The following SPINT2 variants were observed in gnomAD, a reference collection of about 807,000 sequenced individuals.
SPINT2 encodes the protein serine peptidase inhibitor, Kunitz type 2.
SPINT2 carries 18 observed loss-of-function variants against 30.1 expected under a neutral mutation model. The ratio of observed to expected loss-of-function variants is 0.60; its 90% CI spans 0.41 to 0.89. The LOEUF (loss-of-function observed/expected upper bound fraction) is 0.89. SPINT2 is among the 40% of genes least tolerant of loss of function. The pLI, the probability that SPINT2 is intolerant of heterozygous loss-of-function variation, is 0.00. For missense variants in SPINT2, 276 were observed against 334.3 expected, an observed-to-expected ratio of 0.83 and a Z score of 1.36; for synonymous variants, 139 against 137.9, an observed-to-expected ratio of 1.01 and a Z score of -0.05.
Position 38,290,803 on chromosome 19 carries a change from G to A in SPINT2, c.592+228G>A, listed in dbSNP as rs1438331920. Reference sequence around the variant, plus strand: ...ACAAGGCAGGCCCTGCCCAGGCGGCGTGGGTGACTGGGGATGAGGTCTTCC... The same window carrying A: ...ACAAGGCAGGCCCTGCCCAGGCGGCATGGGTGACTGGGGATGAGGTCTTCC... On this transcript the variant is annotated intron_variant, in intron 6 of 6. Coordinates refer to ENST00000301244, the MANE Select transcript of SPINT2 (RefSeq NM_021102.4). The surrounding 1 kb of genome is among the most constrained non-coding windows in gnomAD (Gnocchi z 4.3). 17 of 643,878 alleles carry A rather than the reference G, an allele frequency of 2.6e-5. No individual in the cohort carries two copies. The highest frequency in any genetic ancestry group is 7.1e-5 in the South Asian group (4 of 56,378). The allele number at this position is 643,878 out of a possible 1,614,324, so 39.9% of individuals were successfully genotyped here. A position where few individuals can be genotyped will look rare whatever the true frequency, so the allele number is the denominator to read the frequency against.
chr19:38,268,517 C>G (rs1476302347), intron 1 of SPINT2, among the ~76,000 whole-genome samples: 3 of 152,170 alleles, frequency 2.0e-5, no homozygotes, highest in Non-Finnish European at 4.4e-5. Flanking sequence ...GAACACAGGC[C>G]TGTTTTCCTG....
At chr19:38,284,213 C>T (rs1968615810) in intron 2 of SPINT2, among the ~76,000 whole-genome samples, 3 of 151,986 alleles carry the variant, frequency 2.0e-5, no homozygotes, top group Admixed American at 2.0e-4. Context: ...CCCACCTCAG[C>T]CTCCTGAGTA....
At chr19:38,283,898 G>C in intron 2 of SPINT2, 101 bp downstream of exon 2, 1 of 1,375,072 alleles carries the variant, frequency 7.3e-7, no homozygotes, top group Non-Finnish European at 9.8e-7. Context: ...CTGGAGTGCA[G>C]TGGCGCGATC....
At chr19:38,282,337 A>G (rs1568341788) in intron 1 of SPINT2, among the ~76,000 whole-genome samples, 1 of 152,190 alleles carries the variant, frequency 6.6e-6, no homozygotes, top group Non-Finnish European at 1.5e-5. Context: ...TTTATCAAGC[A>G]TCCTGTGCCA....
At chr19:38,288,010 G>A (rs896984881) in intron 3 of SPINT2, 75 bp downstream of exon 3, 1 of 1,534,018 alleles carries the variant, frequency 6.5e-7, no homozygotes, top group Non-Finnish European at 9.0e-7. Context: ...TGTCATTTGG[G>A]AACTGTCACA....
chr19:38,287,241 C>T (rs948315467), intron 2 of SPINT2, among the ~76,000 whole-genome samples: 7 of 152,032 alleles, frequency 4.6e-5, no homozygotes, highest in African/African-American at 1.7e-4. Flanking sequence ...ACTCTGTTGC[C>T]CAGGCTGAGT....
chr19:38,270,349 C>T (rs780261727), intron 1 of SPINT2, among the ~76,000 whole-genome samples: 1 of 152,132 alleles, frequency 6.6e-6, no homozygotes. Flanking sequence ...CAGGGTAGTT[C>T]GAAATCTTAT....
chr19:38,278,155 C>T (rs1450355886), intron 1 of SPINT2, among the ~76,000 whole-genome samples: 2 of 152,186 alleles, frequency 1.3e-5, no homozygotes, highest in African/African-American at 4.8e-5. Context: ...ATGTTGGTGT[C>T]CGTGACCCTG....
At chr19:38,281,683 TG>T (rs1568341661) in intron 1 of SPINT2, among the ~76,000 whole-genome samples, 1 of 151,864 alleles carries the variant, frequency 6.6e-6, no homozygotes, top group Non-Finnish European at 1.5e-5. Flanking sequence ...CACTCCAGCC[TG>T]GGCAACAAGA....
intron 1 of SPINT2, among the ~76,000 whole-genome samples, chr19:38,279,267 G>A (rs1032820906): frequency 6.6e-6 from 1 of 151,766 alleles, no homozygotes; most frequent in Admixed American, 6.6e-5. Context: ...GGGAACCCGA[G>A]GCAGGTGGAT....
chr19:38,289,125 G>T lies in SPINT2; in HGVS notation c.338-13G>T. ...CCGGCCCAGCCTCCCTAACACAGAT[G>T]TTTGTGTTTCAGCTCCCAGAAGGCA... On this transcript the variant is annotated splice_polypyrimidine_tract_variant and intron_variant, in intron 3 of 6. Coordinates refer to ENST00000301244, the MANE Select transcript of SPINT2 (RefSeq NM_021102.4). The T allele has an allele frequency of 6.2e-7, 1 of 1,613,558 alleles. No homozygotes were observed. Among genetic ancestry groups the T allele is most frequent in the African/African-American group, 1.3e-5 (1 of 75,036 alleles).
At chr19:38,275,375 A>G (rs542104100) in intron 1 of SPINT2, among the ~76,000 whole-genome samples, 2 of 152,212 alleles carry the variant, frequency 1.3e-5, no homozygotes, top group African/African-American at 4.8e-5. Flanking sequence ...CCCAGGCTAG[A>G]GTGCAGTGGT....
chr19:38,283,283 C>T (rs1968601702), intron 1 of SPINT2, among the ~76,000 whole-genome samples: 1 of 152,136 alleles, frequency 6.6e-6, no homozygotes, highest in South Asian at 2.1e-4. Flanking sequence ...TCACCACACT[C>T]CAGCCTGGCG....
At chr19:38,282,915 C>A (rs1568341952) in intron 1 of SPINT2, among the ~76,000 whole-genome samples, 2 of 152,176 alleles carry the variant, frequency 1.3e-5, no homozygotes, top group South Asian at 2.1e-4. Flanking sequence ...AACTTCACTT[C>A]TCTGGCTCTG....
intron 1 of SPINT2, among the ~76,000 whole-genome samples, chr19:38,271,542 C>T (rs909699147): frequency 1.4e-5 from 2 of 145,976 alleles, no homozygotes; most frequent in Non-Finnish European, 3.0e-5. Context: ...CAAGAGACCA[C>T]CACATGTTTG....
chr19:38,285,299 G>C (rs1480020322), intron 2 of SPINT2, among the ~76,000 whole-genome samples: 1 of 152,192 alleles, frequency 6.6e-6, no homozygotes. Context: ...GCTCCATCCC[G>C]AGTGTTCCAG....
In SPINT2 at chr19:38,283,818, G is replaced by A. The variant is rs764115701; in HGVS notation, c.277+21G>A. ...CACAGGTGAGATGGCAGTAGTTGGA[G>A]CTTTTGTTTTTTTCCTTTTTTTTTT... On this transcript the variant is annotated intron_variant, in intron 2 of 6. Transcript: ENST00000301244. 25 of 1,431,398 alleles carry A rather than the reference G, an allele frequency of 1.7e-5. No homozygotes were observed. The Admixed American group carries it at 3.9e-4, about 22-fold the overall frequency. 88.7% of individuals were successfully genotyped at this position (1,431,398 alleles called of 1,614,324 possible).
rs1054851797 is a variant in SPINT2 at position 38,264,607 on chromosome 19, G to A, written c.-286G>A. ...TCTGGCGACCTCCGCGCGTTGGGAG[G>A]TGTAGCGCGGCTCTGAACGCGCTGA... is the stretch of plus-strand genomic sequence containing the variant. On this transcript the variant is annotated 5_prime_UTR_variant, in exon 1 of 7. The change creates a new upstream start codon in the 5' untranslated region. Transcript: ENST00000301244. 4.7e-6 allele frequency: 2 copies of A among 421,550 alleles called. No homozygotes were observed. Among genetic ancestry groups the A allele is most frequent in the African/African-American group, 4.3e-5 (2 of 46,796 alleles). 26.1% of individuals were successfully genotyped at this position (421,550 alleles called of 1,614,324 possible). A position where few individuals can be genotyped will look rare whatever the true frequency, so the allele number is the denominator to read the frequency against.
Position 38,281,172 on chromosome 19 carries a change from T to A in SPINT2, c.107-2455T>A, listed in dbSNP as rs1331352019. ...GCTGTTTTCTCTGGACCTTGTTGAT[T>A]ATGTGTTTTGTGACCTTTGGCATAT... is the stretch of plus-strand genomic sequence containing the variant. On this transcript the variant is annotated intron_variant, in intron 1 of 6. Transcript: ENST00000301244. Among the ~76,000 whole-genome samples, 7 of 152,154 alleles carry A rather than the reference T, an allele frequency of 4.6e-5. No individual in the cohort carries two copies. The East Asian group carries it at 1.2e-3, about 25-fold the overall frequency.
Sources: allele counts gnomAD v4.1 joint callset (sites outside exome capture counted in the v4.1 genomes callset), GRCh38; gene constraint gnomAD v4.1.1; non-coding constraint Gnocchi (gnomAD v3.1); transcripts MANE v1.5; gene names NCBI Gene and HGNC (gene_info 2026-07-23, HGNC 2026-07-21).